The following PRPF18 variants were observed in gnomAD, a reference collection of about 807,000 sequenced individuals.
The protein encoded by PRPF18 is pre-mRNA processing factor 18.
PRPF18 carries 38 observed loss-of-function variants against 46.5 expected under a neutral mutation model. The observed-to-expected ratio is 0.82, with a 90% confidence interval of 0.63 to 1.07. The LOEUF (loss-of-function observed/expected upper bound fraction) is 1.07, where lower values mean the gene tolerates loss of function less well. Among genes scored for constraint, PRPF18 ranks in the 50% least tolerant of loss-of-function variants. The pLI is 0.00. For missense variants in PRPF18, 263 were observed against 410.0 expected, an observed-to-expected ratio of 0.64 and a Z score of 3.10; for synonymous variants, 152 against 146.7, an observed-to-expected ratio of 1.04 and a Z score of -0.26.
chr10:13,601,058 G>A (rs1193154200), intron 3 of PRPF18, among the ~76,000 whole-genome samples: 1 of 152,150 alleles, frequency 6.6e-6, no homozygotes, highest in South Asian at 2.1e-4. Context: ...TGGGATTACA[G>A]GTGTGAGCCA....
At chr10:13,651,687 T>C in the PRPF18 span, 11 of 564,864 alleles carry the variant, frequency 1.9e-5, no homozygotes, top group South Asian at 2.1e-4. Flanking sequence ...CAAAACATAC[T>C]CTGGGGGTCT....
the PRPF18 span, chr10:13,649,593 T>C: frequency 6.6e-6 from 1 of 152,262 alleles, no homozygotes; most frequent in Non-Finnish European, 1.5e-5. Flanking sequence ...AAACTTGCGA[T>C]GTTTTATACA....
chr10:13,595,694 A>G (rs1019800259), intron 1 of PRPF18, among the ~76,000 whole-genome samples: 1 of 152,170 alleles, frequency 6.6e-6, no homozygotes, highest in African/African-American at 2.4e-5. Flanking sequence ...GGTAGTTTTG[A>G]TGTTCAGATG....
the PRPF18 span, chr10:13,649,661 A>G: frequency 1.3e-5 from 2 of 152,250 alleles, no homozygotes; most frequent in African/African-American, 4.8e-5. Context: ...TTTTAAAGCT[A>G]TAAATGTTGC....
At chr10:13,613,990 A>G (rs1279614068) in intron 7 of PRPF18, 25 bp from the exon 8 acceptor site, 1 of 1,558,002 alleles carries the variant, frequency 6.4e-7, no homozygotes, top group East Asian at 2.3e-5. Context: ...AGTAGCTTCC[A>G]AAATTTCTTA....
chr10:13,606,343 A>G (rs535379970), intron 4 of PRPF18, among the ~76,000 whole-genome samples: 3 of 152,330 alleles, frequency 2.0e-5, no homozygotes. Context: ...TTTTAGGTTC[A>G]TCCATGTTAT....
At chr10:13,612,510 C>T (rs999183821) in intron 6 of PRPF18, among the ~76,000 whole-genome samples, 3 of 151,822 alleles carry the variant, frequency 2.0e-5, no homozygotes, top group Non-Finnish European at 4.4e-5. Flanking sequence ...GTCTTGAACT[C>T]CTGACCACAA....
the PRPF18 span, chr10:13,641,851 A>G: frequency 6.6e-6 from 1 of 152,210 alleles, no homozygotes; most frequent in African/African-American, 2.4e-5. Flanking sequence ...GTGAAAGCAT[A>G]ATTGGAGTGG....
chr10:13,626,802 G>GT (rs2080512233), intron 9 of PRPF18, among the ~76,000 whole-genome samples: 7 of 75,090 alleles, frequency 9.3e-5, no homozygotes, highest in Non-Finnish European at 1.4e-4. Context: ...AGAATCGTGT[G>GT]ATTTTTTTTT....
At chr10:13,616,662 T>C in intron 9 of PRPF18, 109 bp downstream of exon 9, 1 of 1,397,274 alleles carries the variant, frequency 7.2e-7, no homozygotes, top group Non-Finnish European at 9.9e-7. Context: ...GAACATAGCG[T>C]GATAGGATGG....
chr10:13,634,186 ATTAT>A (rs1381442152), downstream of PRPF18, among the ~76,000 whole-genome samples: 4 of 152,136 alleles, frequency 2.6e-5, no homozygotes, highest in Non-Finnish European at 4.4e-5. Flanking sequence ...GAAAGCATTG[ATTAT>A]TTATTTTTCC....
intron 9 of PRPF18, among the ~76,000 whole-genome samples, chr10:13,619,986 C>A (rs1160048891): frequency 6.6e-6 from 1 of 151,800 alleles, no homozygotes; most frequent in African/African-American, 2.4e-5. Flanking sequence ...AATGCGGCCA[C>A]CCTATGTTAG....
chr10:13,650,457 G>A, the PRPF18 span, among the ~76,000 whole-genome samples: 1 of 152,162 alleles, frequency 6.6e-6, no homozygotes, highest in African/African-American at 2.4e-5. Flanking sequence ...GGTATTTCAA[G>A]CAGTGCCTAC....
chr10:13,604,840 C>G (rs2080162026), intron 3 of PRPF18, among the ~76,000 whole-genome samples: 1 of 152,150 alleles, frequency 6.6e-6, no homozygotes, highest in Non-Finnish European at 1.5e-5. Context: ...CAAAAATATG[C>G]TGACATAAGG....
chr10:13,616,185 T>C (rs1027364026), intron 8 of PRPF18, among the ~76,000 whole-genome samples: 1 of 152,194 alleles, frequency 6.6e-6, no homozygotes, highest in Admixed American at 6.5e-5. Context: ...TTGGTTTCTG[T>C]TTTTTCCATG....
At chr10:13,652,223 C>A in the PRPF18 span, 1 of 551,484 alleles carries the variant, frequency 1.8e-6, no homozygotes, top group Non-Finnish European at 3.2e-6. Flanking sequence ...CACATCATAG[C>A]AAACAGTTTA....
chr10:13,598,622 A>G (rs1224400931), intron 2 of PRPF18, among the ~76,000 whole-genome samples: 3 of 152,186 alleles, frequency 2.0e-5, no homozygotes, highest in Non-Finnish European at 4.4e-5. Flanking sequence ...AAATATGGGA[A>G]AGTTTAAACT....
intron 9 of PRPF18, among the ~76,000 whole-genome samples, chr10:13,622,766 C>T (rs570283366): frequency 1.3e-5 from 2 of 152,266 alleles, no homozygotes; most frequent in African/African-American, 4.8e-5. Context: ...TTAATACTTA[C>T]AGTGGGCTTC....
At chr10:13,588,596 TAATAA>T (rs1384446543) in intron 1 of PRPF18, among the ~76,000 whole-genome samples, 1 of 148,250 alleles carries the variant, frequency 6.7e-6, no homozygotes, top group Non-Finnish European at 1.5e-5. Flanking sequence ...AAAAAAAAAG[TAATAA>T]AATTCCTTTC....
Sources: gnomAD v4.1 joint callset for allele counts (sites outside exome capture counted in the v4.1 genomes callset) on GRCh38, gnomAD v4.1.1 for gene constraint, MANE v1.5 for transcripts, NCBI Gene and HGNC (gene_info 2026-07-23, HGNC 2026-07-21) for gene names.